Variants in DSCAM observed in about 807,000 individuals in gnomAD.
The protein encoded by DSCAM is cell adhesion molecule DSCAM.
DSCAM carries 47 observed loss-of-function variants against 217.7 expected under a neutral mutation model. The observed-to-expected ratio is 0.22, with a 90% CI of 0.17 to 0.28. DSCAM has a LOEUF of 0.28. Ranked by LOEUF, DSCAM falls within the 10% of genes least tolerant of loss-of-function variation. The pLI is 1.00. For missense variants in DSCAM, 2,080 were observed against 2,618.3 expected, an observed-to-expected ratio of 0.79 and a Z score of 4.49; for synonymous variants, 1,056 against 1,015.3, an observed-to-expected ratio of 1.04 and a Z score of -0.76.
At chr21:40,243,618 C>T (rs1358412757) in intron 11 of DSCAM, among the ~76,000 whole-genome samples, 1 of 152,180 alleles carries the variant, frequency 6.6e-6, no homozygotes, top group Non-Finnish European at 1.5e-5. Flanking sequence ...GTTTGCTCCC[C>T]CATAAAGCCA....
chr21:40,289,359 T>C (rs1362463117), intron 10 of DSCAM, among the ~76,000 whole-genome samples: 1 of 152,198 alleles, frequency 6.6e-6, no homozygotes, highest in African/African-American at 2.4e-5. Flanking sequence ...TGGGTGGCAC[T>C]TCCCCAGGCC....
intron 3 of DSCAM, among the ~76,000 whole-genome samples, chr21:40,494,225 T>A (rs777685157): frequency 1.3e-5 from 2 of 152,180 alleles, no homozygotes; most frequent in Admixed American, 6.5e-5. Context: ...GTAAATGGAT[T>A]AAATTTTACA....
intron 3 of DSCAM, among the ~76,000 whole-genome samples, chr21:40,561,033 G>T (rs116874741): frequency 8.5e-4 from 129 of 152,322 alleles, no homozygotes; most frequent in Non-Finnish European, 1.4e-3. Context: ...AGTGTCGTAT[G>T]TTAACAAACA....
intron 3 of DSCAM, among the ~76,000 whole-genome samples, chr21:40,679,129 G>A (rs2090372327): frequency 6.6e-6 from 1 of 152,150 alleles, no homozygotes; most frequent in Admixed American, 6.5e-5. Context: ...GGGAGGAGAG[G>A]CTGATGTGAA....
At chr21:40,074,676 T>C (rs2089339202) in intron 27 of DSCAM, among the ~76,000 whole-genome samples, 1 of 152,170 alleles carries the variant, frequency 6.6e-6, no homozygotes, top group African/African-American at 2.4e-5. Context: ...TAATTCTCAT[T>C]CCCAGAGCAA....
intron 3 of DSCAM, among the ~76,000 whole-genome samples, chr21:40,506,845 A>C (rs2076213912): frequency 6.6e-6 from 1 of 152,226 alleles, no homozygotes. Flanking sequence ...AATATAATAC[A>C]AAAAATATTG....
At position 40,055,776 on chromosome 21, in the gene DSCAM, T is replaced by C. The variant is rs775018052; in HGVS notation, c.4984A>G (p.Ile1662Val). ...QQQTLRMHIDIPRAQLLIEER... is the reference protein window; with the variant it reads ...QQQTLRMHIDVPRAQLLIEER... ...TCAATCAAAAGCTGAGCCCTGGGTA[T>C]GTCGATGTGCATTCGCAGGGTCTGC... Residue 1662 changes from isoleucine (I) to valine (V), a missense_variant, in exon 29 of 33, where the codon ATA becomes GTA. By Grantham distance (29) the Ile-to-Val change is conservative (BLOSUM62 3). Transcript: ENST00000400454. The C allele has an allele frequency of 3.7e-6, 6 of 1,613,992 alleles. No homozygotes were observed. The Admixed American group carries it at 5.0e-5, about 13-fold the overall frequency.
intron 3 of DSCAM, among the ~76,000 whole-genome samples, chr21:40,467,036 A>G (rs2075850985): frequency 6.6e-6 from 1 of 152,196 alleles, no homozygotes; most frequent in South Asian, 2.1e-4. Context: ...GATCTTGAGA[A>G]CCTAGAACAT....
At chr21:40,367,876 G>A (rs1238356639) in intron 4 of DSCAM, among the ~76,000 whole-genome samples, 1 of 152,136 alleles carries the variant, frequency 6.6e-6, no homozygotes, top group Non-Finnish European at 1.5e-5. Context: ...GACTCCCATG[G>A]TGACAAAATG....
At chr21:40,430,223 T>C (rs2075517451) in intron 3 of DSCAM, among the ~76,000 whole-genome samples, 1 of 152,184 alleles carries the variant, frequency 6.6e-6, no homozygotes, top group African/African-American at 2.4e-5. Flanking sequence ...TTTCTACAAG[T>C]TGATGTAGAG....
At chr21:40,120,118 A>G (rs385712) in intron 20 of DSCAM, among the ~76,000 whole-genome samples, 143,292 of 152,190 alleles carry the variant, frequency 0.94, 67,906 homozygotes, top group Non-Finnish European at 0.99. Context: ...AATGTGGAGA[A>G]CTTAATTGCC....
chr21:40,798,749 G>A (rs116127088), intron 1 of DSCAM, among the ~76,000 whole-genome samples: 265 of 152,208 alleles, frequency 1.7e-3, no homozygotes, highest in African/African-American at 3.9e-3. Flanking sequence ...ATACCAGACT[G>A]TTAGCAGTAT....
intron 3 of DSCAM, among the ~76,000 whole-genome samples, chr21:40,410,244 G>A (rs975433327): frequency 6.6e-6 from 1 of 152,054 alleles, no homozygotes; most frequent in African/African-American, 2.4e-5. Flanking sequence ...TTAATAGGAA[G>A]TTGGGCAATG....
chr21:40,036,294 G>A (rs1303809973), intron 32 of DSCAM, among the ~76,000 whole-genome samples: 1 of 149,790 alleles, frequency 6.7e-6, no homozygotes, highest in Non-Finnish European at 1.5e-5. Flanking sequence ...GAAAAAGAGA[G>A]AAGAATCAAA....
chr21:40,045,167 A>G (rs2088823883), intron 30 of DSCAM, among the ~76,000 whole-genome samples: 1 of 152,224 alleles, frequency 6.6e-6, no homozygotes, highest in Admixed American at 6.5e-5. Context: ...GTACTACGTT[A>G]AAACAGCTCT....
chr21:40,474,006 G>A (rs1235174786), intron 3 of DSCAM, among the ~76,000 whole-genome samples: 1 of 152,194 alleles, frequency 6.6e-6, no homozygotes, highest in African/African-American at 2.4e-5. Context: ...CAAAACAAAG[G>A]CAAGGGCCAG....
At chr21:40,612,322 C>T (rs2089326817) in intron 3 of DSCAM, among the ~76,000 whole-genome samples, 1 of 152,120 alleles carries the variant, frequency 6.6e-6, no homozygotes, top group Non-Finnish European at 1.5e-5. Context: ...AAGTTCGGGT[C>T]CTTAGAAGCC....
At chr21:40,803,943 T>C (rs1269306586) in intron 1 of DSCAM, among the ~76,000 whole-genome samples, 1 of 152,162 alleles carries the variant, frequency 6.6e-6, no homozygotes, top group Non-Finnish European at 1.5e-5. Flanking sequence ...TGACCATTTC[T>C]CCTTCTCTAA....
intron 1 of DSCAM, among the ~76,000 whole-genome samples, chr21:40,710,049 G>A (rs2090761933): frequency 6.6e-6 from 1 of 152,110 alleles, no homozygotes; most frequent in African/African-American, 2.4e-5. Context: ...GCATGAGATG[G>A]TATCTCATTG....
Sources: allele counts gnomAD v4.1 joint callset (sites outside exome capture counted in the v4.1 genomes callset), GRCh38; gene constraint gnomAD v4.1.1; transcripts MANE v1.5; gene names NCBI Gene and HGNC (gene_info 2026-07-23, HGNC 2026-07-21).